The following ESR1 variants were observed in gnomAD, a reference collection of about 807,000 sequenced individuals.
ESR1 encodes the protein estrogen receptor.
A neutral mutation model predicts 52.7 loss-of-function variants in ESR1; 12 were observed. The observed-to-expected ratio is 0.23, with a 90% CI of 0.15 to 0.37. ESR1 has a LOEUF of 0.37. Ranked by LOEUF, ESR1 falls within the 10% of genes least tolerant of loss-of-function variation. The pLI is 1.00. For synonymous variants in ESR1, 305 were observed against 316.8 expected (o/e 0.96, Z 0.39); for missense variants, 584 against 779.7 (o/e 0.75, Z 2.99).
intron 1 of ESR1, among the ~76,000 whole-genome samples, chr6:151,684,909 C>A (rs918024509): frequency 2.0e-5 from 3 of 152,072 alleles, no homozygotes; most frequent in South Asian, 4.2e-4. Context: ...TCAAGGCAGG[C>A]GCTTTCCACT....
chr6:152,024,407 T>C (rs1466347574), intron 5 of ESR1, among the ~76,000 whole-genome samples: 1 of 151,956 alleles, frequency 6.6e-6, no homozygotes, highest in Admixed American at 6.6e-5. Flanking sequence ...TGTTTAATTC[T>C]ATAAGTAAAT....
At position 152,046,641 on chromosome 6, in the gene ESR1, C is replaced by T. The variant is rs188473294; in HGVS notation, c.1236-14350C>T. On this transcript the variant is annotated intron_variant, in intron 5 of 7. Transcript: ENST00000206249. ...GAAGACAAAATAAGAATGAAAGAGA[C>T]AAAAGAATTGCCAATGAGTTGTAAT... is the stretch of plus-strand genomic sequence containing the variant. Among the ~76,000 whole-genome samples the T allele has an allele frequency of 2.2e-3, 333 of 152,172 alleles. 2 individuals are homozygous for T. Among genetic ancestry groups the T allele is most frequent in the African/African-American group, 7.7e-3 (318 of 41,516 alleles).
At chr6:151,742,421 ATTT>A (rs1583089348) in intron 2 of ESR1, among the ~76,000 whole-genome samples, 1 of 152,026 alleles carries the variant, frequency 6.6e-6, no homozygotes, top group East Asian at 1.9e-4. Context: ...AACACTTGCT[ATTT>A]CTTGTCTTTT....
chr6:151,689,742 C>T (rs1007321978), upstream of ESR1, among the ~76,000 whole-genome samples: 2 of 151,974 alleles, frequency 1.3e-5, no homozygotes, highest in South Asian at 4.2e-4. Context: ...AGAAAGCCAG[C>T]CTTTTTTCAA....
intron 2 of ESR1, among the ~76,000 whole-genome samples, chr6:151,763,203 T>C (rs1304885936): frequency 6.6e-6 from 1 of 151,918 alleles, no homozygotes; most frequent in Non-Finnish European, 1.5e-5. Flanking sequence ...CCTTGGCTCC[T>C]GGACAAGTAG....
intron 2 of ESR1, among the ~76,000 whole-genome samples, chr6:151,797,465 C>CT (rs1776822300): frequency 6.6e-6 from 1 of 152,104 alleles, no homozygotes; most frequent in African/African-American, 2.4e-5. Context: ...GACTTTATTC[C>CT]TTTTTATATT....
chr6:152,119,787 G>A (rs1157257859), intron 6 of ESR1, among the ~76,000 whole-genome samples: 1 of 152,194 alleles, frequency 6.6e-6, no homozygotes, highest in Non-Finnish European at 1.5e-5. Context: ...CGCTGGGTGC[G>A]GGTGAGGATG....
intron 2 of ESR1, among the ~76,000 whole-genome samples, chr6:151,793,418 T>G (rs1776390346): frequency 6.6e-6 from 1 of 152,122 alleles, no homozygotes; most frequent in Admixed American, 6.5e-5. Context: ...CAGGTAATAT[T>G]TTTTTCTAGT....
intron 1 of ESR1, among the ~76,000 whole-genome samples, chr6:151,671,954 T>C (rs1778078065): frequency 6.6e-6 from 1 of 152,184 alleles, no homozygotes; most frequent in East Asian, 1.9e-4. Flanking sequence ...ATCATGGCAC[T>C]GCACTCCAGC....
chr6:151,735,970 T>C (rs550205211), intron 2 of ESR1, among the ~76,000 whole-genome samples: 2 of 152,178 alleles, frequency 1.3e-5, no homozygotes, highest in Non-Finnish European at 2.9e-5. Context: ...CCTGCCGCCA[T>C]GTAAGACATG....
At chr6:151,831,410 G>T (rs1160267024) in intron 1 of ESR1, among the ~76,000 whole-genome samples, 5 of 152,202 alleles carry the variant, frequency 3.3e-5, no homozygotes, top group Non-Finnish European at 7.3e-5. Context: ...AGAGCAGTGA[G>T]ATTACAGGTG....
intron 6 of ESR1, among the ~76,000 whole-genome samples, chr6:152,073,258 A>C (rs1429402947): frequency 6.6e-6 from 1 of 152,250 alleles, no homozygotes; most frequent in Non-Finnish European, 1.5e-5. Flanking sequence ...TCCGTTCATC[A>C]GCCAGATTTC....
intron 2 of ESR1, among the ~76,000 whole-genome samples, chr6:151,720,658 A>G (rs1003950081): frequency 2.0e-5 from 3 of 152,232 alleles, no homozygotes; most frequent in African/African-American, 7.2e-5. Flanking sequence ...AATTGCTTTT[A>G]TAGTATTCTT....
At chr6:152,009,579 CAAGCACTGGTGAGGTTGTAGACCAACT>C (rs1447665342) in intron 4 of ESR1, among the ~76,000 whole-genome samples, 44 of 152,186 alleles carry the variant, frequency 2.9e-4, no homozygotes, top group African/African-American at 1.0e-3. Context: ...CTGAACATAG[CAAGCACTGGTGAGGTTGTAGACCAACT>C]GGTGCTTTCA....
At chr6:152,096,833 C>A in intron 7 of ESR1, 1 of 333,612 alleles carries the variant, frequency 3.0e-6, no homozygotes, top group Non-Finnish European at 6.1e-6. Flanking sequence ...AGAGAATAAC[C>A]TTACCCTGGA....
At chr6:151,897,278 T>C (rs1026810442) in intron 3 of ESR1, among the ~76,000 whole-genome samples, 1 of 152,174 alleles carries the variant, frequency 6.6e-6, no homozygotes, top group Non-Finnish European at 1.5e-5. Context: ...GTCAGTGGAG[T>C]ATTGAAGTCC....
intron 2 of ESR1, among the ~76,000 whole-genome samples, chr6:151,848,086 C>T (rs1333765145): frequency 1.1e-5 from 1 of 94,356 alleles, no homozygotes; most frequent in Non-Finnish European, 2.2e-5. Flanking sequence ...CCCAAATGTC[C>T]AACAATGATA....
chr6:151,969,624 A>G (rs1387682753), intron 4 of ESR1, among the ~76,000 whole-genome samples: 1 of 152,220 alleles, frequency 6.6e-6, no homozygotes, highest in African/African-American at 2.4e-5. Flanking sequence ...TGGCAACAGT[A>G]GGAATAGAAT....
chr6:151,875,031 C>T (rs951829846), intron 2 of ESR1, among the ~76,000 whole-genome samples: 4 of 152,078 alleles, frequency 2.6e-5, no homozygotes, highest in Admixed American at 2.6e-4. Context: ...ATAAAACAAG[C>T]TTTGGAATAA....
Sources: gnomAD v4.1 joint callset for allele counts (sites outside exome capture counted in the v4.1 genomes callset) on GRCh38, gnomAD v4.1.1 for gene constraint, MANE v1.5 for transcripts, NCBI Gene and HGNC (gene_info 2026-07-23, HGNC 2026-07-21) for gene names.